The following AK7 variants were observed in gnomAD, a reference collection of about 807,000 sequenced individuals.
AK7 encodes the protein adenylate kinase 7, also known as ATP-AMP transphosphorylase 7.
AK7 carries 78 observed loss-of-function variants against 96.6 expected under a neutral mutation model. The ratio of observed to expected loss-of-function variants is 0.81; its 90% CI spans 0.67 to 0.97. AK7 has a LOEUF of 0.97. Among genes scored for constraint, AK7 ranks in the 50% least tolerant of loss-of-function variants. AK7 has a pLI of 0.00. For missense variants in AK7, 855 were observed against 887.9 expected, an observed-to-expected ratio of 0.96 and a Z score of 0.47; for synonymous variants, 302 against 317.2, an observed-to-expected ratio of 0.95 and a Z score of 0.51.
chr14:96,401,234 C>T (rs561293032), intron 2 of AK7, among the ~76,000 whole-genome samples: 1 of 152,304 alleles, frequency 6.6e-6, no homozygotes. Context: ...GGGACAGAGG[C>T]ATGCACAGAG....
At chr14:96,478,714 T>C (rs917956134) in intron 15 of AK7, 52 bp downstream of exon 15, 10 of 1,572,376 alleles carry the variant, frequency 6.4e-6, no homozygotes, top group African/African-American at 1.3e-5. Flanking sequence ...CCAGCAAAGC[T>C]TGGTGCAGGT....
At chr14:96,407,580 CTTTTT>C (rs11364736) in intron 3 of AK7, among the ~76,000 whole-genome samples, 2 of 60,310 alleles carry the variant, frequency 3.3e-5, no homozygotes, top group Non-Finnish European at 7.5e-5. Flanking sequence ...TCTTTCTTTT[CTTTTT>C]TTTTTTTTTT....
chr14:96,420,952 A>G lies in AK7; in HGVS notation c.609+20A>G. 1 of 1,477,204 alleles carries G rather than the reference A, an allele frequency of 6.8e-7. No individual in the cohort carries two copies. The highest frequency in any genetic ancestry group is 9.5e-7 in the Non-Finnish European group (1 of 1,057,784). 91.5% of individuals were successfully genotyped at this position (1,477,204 alleles called of 1,614,324 possible). A position where few individuals can be genotyped will look rare whatever the true frequency, so the allele number is the denominator to read the frequency against. ...AAAAAGGTAAGTCTGGCATAGTGGA[A>G]CATGGACATCATCTGAAGTCTTTAA... is the stretch of plus-strand genomic sequence containing the variant. On this transcript the variant is annotated intron_variant, in intron 5 of 17. Coordinates refer to ENST00000267584, the MANE Select transcript of AK7 (RefSeq NM_152327.5).
intron 7 of AK7, among the ~76,000 whole-genome samples, chr14:96,445,932 C>T (rs1429208487): frequency 6.6e-6 from 1 of 152,204 alleles, no homozygotes; most frequent in Non-Finnish European, 1.5e-5. Flanking sequence ...GCAGCACCTA[C>T]ATGCTAGGGC....
chr14:96,425,634 C>T (rs1304555629), intron 5 of AK7, among the ~76,000 whole-genome samples: 1 of 152,020 alleles, frequency 6.6e-6, no homozygotes, highest in African/African-American at 2.4e-5. Flanking sequence ...AGGCATGTGC[C>T]ACCACGCCTG....
chr14:96,471,333 T>TA (rs35566282), intron 12 of AK7, 145 bp from the exon 13 acceptor site: 15,803 of 185,800 alleles, frequency 0.085, 514 homozygotes, highest in African/African-American at 0.12. Context: ...CCCGTCTCTT[T>TA]AAAAAAAAAA....
At position 96,459,639 on chromosome 14, in the gene AK7, C is replaced by T. The variant is rs774029126; in HGVS notation, c.1357+1427C>T. Among the ~76,000 whole-genome samples, 28 of 152,070 alleles carry T rather than the reference C, an allele frequency of 1.8e-4. No homozygotes were observed. The Middle Eastern group carries it at 0.017, about 93-fold the overall frequency. On this transcript the variant is annotated intron_variant, in intron 12 of 17. Coordinates refer to ENST00000267584, the MANE Select transcript of AK7 (RefSeq NM_152327.5). Reference sequence around the variant, plus strand: ...TAATCCCTTTGTAATCCCAGCACTTCGTGATCTAGGAGGGTGGATCACGAG... The same window carrying T: ...TAATCCCTTTGTAATCCCAGCACTTTGTGATCTAGGAGGGTGGATCACGAG...
chr14:96,484,612 C>A (rs1335523002), intron 16 of AK7, among the ~76,000 whole-genome samples: 1 of 152,206 alleles, frequency 6.6e-6, no homozygotes, highest in Non-Finnish European at 1.5e-5. Flanking sequence ...CTCACAGACA[C>A]CTGGCATCTT....
intron 1 of AK7, among the ~76,000 whole-genome samples, chr14:96,395,719 A>G (rs1294604249): frequency 2.3e-5 from 2 of 88,340 alleles, no homozygotes; most frequent in African/African-American, 8.0e-5. Flanking sequence ...TTGTCTCTAG[A>G]AAAAAAAAAA....
At chr14:96,483,898 C>T (rs1186328057) in intron 16 of AK7, among the ~76,000 whole-genome samples, 1 of 152,054 alleles carries the variant, frequency 6.6e-6, no homozygotes, top group Non-Finnish European at 1.5e-5. Context: ...CCTCATTCCC[C>T]AAATCACTGA....
chr14:96,475,160 CTGT>C (rs1459262759), intron 14 of AK7, among the ~76,000 whole-genome samples: 1 of 152,202 alleles, frequency 6.6e-6, no homozygotes, highest in Non-Finnish European at 1.5e-5. Context: ...GAACGTTAAT[CTGT>C]TGTTAGCAAA....
At chr14:96,413,076 A>G (rs1891132513) in intron 4 of AK7, among the ~76,000 whole-genome samples, 1 of 152,204 alleles carries the variant, frequency 6.6e-6, no homozygotes. Flanking sequence ...AGTTAACTCC[A>G]GGACTCTGGA....
intron 6 of AK7, 44 bp downstream of exon 6, chr14:96,437,959 C>T (rs146644995): frequency 2.6e-6 from 4 of 1,551,496 alleles, no homozygotes; most frequent in South Asian, 2.3e-5. Context: ...AAGTGTCTTA[C>T]GATACAGATA....
chr14:96,483,043 C>T lies in AK7; in HGVS notation c.1798C>T (p.Gln600Ter), dbSNP rs1176269103. 1.9e-6 allele frequency: 3 copies of T among 1,614,160 alleles called. No homozygotes were observed. The highest frequency in any genetic ancestry group is 2.5e-6 in the Non-Finnish European group (3 of 1,180,038). Residue 600 changes from glutamine to a stop codon, truncating the protein, a stop_gained, in exon 16 of 18, where the codon CAG (glutamine) becomes TAG (stop). Transcript: ENST00000267584. LOFTEE classifies it high-confidence loss of function. ...EDAQNRLAIK[Q>*]LIKEIGEPRN... is the part of the protein sequence containing the mutation. ...TGCTCAGAATAGACTTGCTATCAAA[C>T]AGCTCATCAAAGAGATTGGGGAGCC...
chr14:96,474,400 G>A (rs1376901805), intron 14 of AK7, among the ~76,000 whole-genome samples: 3 of 150,448 alleles, frequency 2.0e-5, no homozygotes, highest in African/African-American at 7.4e-5. Flanking sequence ...CTTGAGCTCA[G>A]GAGTTAGAGA....
chr14:96,486,263 T>C (rs1204769120), intron 16 of AK7, among the ~76,000 whole-genome samples: 2 of 152,238 alleles, frequency 1.3e-5, no homozygotes, highest in Non-Finnish European at 2.9e-5. Context: ...ATGGGAGGCT[T>C]CATTCTTAGG....
intron 10 of AK7, among the ~76,000 whole-genome samples, chr14:96,455,487 TACAAAACAAA>T (rs956070058): frequency 1.3e-5 from 2 of 152,094 alleles, no homozygotes; most frequent in Non-Finnish European, 2.9e-5. Flanking sequence ...CCTATCTCAA[TACAAAACAAA>T]ACAAAACAAA....
intron 10 of AK7, among the ~76,000 whole-genome samples, chr14:96,453,468 G>A (rs997498612): frequency 1.3e-5 from 2 of 152,208 alleles, no homozygotes; most frequent in African/African-American, 4.8e-5. Flanking sequence ...AGCCCCAGAG[G>A]TGTCACTCAG....
rs1458986862 is a variant in AK7 at position 96,456,335 on chromosome 14, C to T, written c.1099-12C>T. The T allele has an allele frequency of 6.3e-7, 1 of 1,594,692 alleles. No homozygotes were observed. Among genetic ancestry groups the T allele is most frequent in the Non-Finnish European group, 8.6e-7 (1 of 1,167,830 alleles). On this transcript the variant is annotated splice_polypyrimidine_tract_variant and intron_variant, in intron 10 of 17. Transcript: ENST00000267584. ...GAGCTTGCTGTATGTTCCTTACTCT[C>T]TCCTCTTTCAGCCAATCAAGATCTG...
Sources: gnomAD v4.1 joint callset for allele counts (sites outside exome capture counted in the v4.1 genomes callset) on GRCh38, gnomAD v4.1.1 for gene constraint, MANE v1.5 for transcripts, NCBI Gene and HGNC (gene_info 2026-07-23, HGNC 2026-07-21) for gene names.